DIPK1A: variants seen among roughly 807,000 people sequenced by gnomAD.
DIPK1A encodes family with sequence similarity 69 member A.
DIPK1A carries 27 observed loss-of-function variants against 40.8 expected under a neutral mutation model. That is an observed-to-expected ratio of 0.66 (90% CI 0.49 to 0.91). DIPK1A has a LOEUF of 0.91. Ranked by LOEUF, DIPK1A falls within the 40% of genes least tolerant of loss-of-function variation. DIPK1A has a pLI of 0.00. For missense variants in DIPK1A, 412 were observed against 505.7 expected, an observed-to-expected ratio of 0.81 and a Z score of 1.78; for synonymous variants, 166 against 171.3, an observed-to-expected ratio of 0.97 and a Z score of 0.24.
intron 1 of DIPK1A, among the ~76,000 whole-genome samples, chr1:92,887,502 C>T (rs1648666015): frequency 6.6e-6 from 1 of 151,978 alleles, no homozygotes; most frequent in Non-Finnish European, 1.5e-5. Flanking sequence ...CAGATACTGC[C>T]AGTAAAACAG....
chr1:92,931,938 T>C, intron 1 of DIPK1A: 1 of 277,372 alleles, frequency 3.6e-6, no homozygotes. Flanking sequence ...CGCAAGTTGT[T>C]GAAGAAATAC....
At chr1:92,876,228 A>G in intron 2 of DIPK1A, 68 bp downstream of exon 2, 1 of 910,576 alleles carries the variant, frequency 1.1e-6, no homozygotes, top group East Asian at 3.2e-5. Flanking sequence ...ATCATTAGTA[A>G]GTATGTAAGC....
At chr1:92,832,972 C>CGTGA (rs1686968180) in exon 5 of DIPK1A, 1 of 725,732 alleles carries the variant, frequency 1.4e-6, no homozygotes, top group Admixed American at 1.9e-5. Context: ...CGACGTTTGG[C>CGTGA]ATCACTGATT....
intron 2 of DIPK1A, among the ~76,000 whole-genome samples, chr1:92,857,385 G>A (rs1190979261): frequency 2.2e-4 from 33 of 150,848 alleles, no homozygotes; most frequent in Non-Finnish European, 5.9e-5. Flanking sequence ...GCAGTGGCGT[G>A]GTCTTGGCTT....
intron 2 of DIPK1A, among the ~76,000 whole-genome samples, chr1:92,864,041 G>A (rs2100752403): frequency 6.6e-6 from 1 of 152,188 alleles, no homozygotes; most frequent in Middle Eastern, 3.4e-3. Context: ...GGGTGACACA[G>A]CGAGACTCCA....
downstream of DIPK1A, among the ~76,000 whole-genome samples, chr1:92,839,593 C>T (rs139891722): frequency 2.6e-5 from 4 of 152,268 alleles, no homozygotes; most frequent in East Asian, 7.7e-4. Flanking sequence ...GATGAATTTG[C>T]TTGTTGGCCT....
At chr1:92,846,127 T>C (rs1687592271) in intron 4 of DIPK1A, 1 of 155,512 alleles carries the variant, frequency 6.4e-6, no homozygotes, top group Non-Finnish European at 1.4e-5. Flanking sequence ...TGAACTCCCA[T>C]GTACACCTCA....
chr1:92,899,311 C>G (rs1218969772), intron 1 of DIPK1A, among the ~76,000 whole-genome samples: 1 of 152,076 alleles, frequency 6.6e-6, no homozygotes, highest in East Asian at 1.9e-4. Flanking sequence ...CCTTCTTTGC[C>G]TCTTTGTATA....
At chr1:92,893,409 A>T (rs1047566622) in intron 1 of DIPK1A, among the ~76,000 whole-genome samples, 29 of 151,756 alleles carry the variant, frequency 1.9e-4, no homozygotes, top group Non-Finnish European at 2.7e-4. Context: ...ACTAAGCTTC[A>T]TAAGTGAAGG....
chr1:92,868,965 T>TAAAAAAA (rs33962424), intron 2 of DIPK1A, among the ~76,000 whole-genome samples: 2 of 136,676 alleles, frequency 1.5e-5, no homozygotes, highest in East Asian at 2.2e-4. Flanking sequence ...GACTCAATCT[T>TAAAAAAA]AAAAAAAAAA....
At chr1:92,891,235 G>A (rs889505697) in intron 1 of DIPK1A, among the ~76,000 whole-genome samples, 1 of 150,460 alleles carries the variant, frequency 6.6e-6, no homozygotes, top group African/African-American at 2.4e-5. Flanking sequence ...CCAGCTAATG[G>A]TTTACCAATT....
chr1:92,904,912 T>C (rs1179489039), intron 1 of DIPK1A, among the ~76,000 whole-genome samples: 1 of 152,194 alleles, frequency 6.6e-6, no homozygotes, highest in Non-Finnish European at 1.5e-5. Flanking sequence ...AAGTTTGTCT[T>C]TCTATGCCTG....
chr1:92,947,088 T>G (rs1651403050), intron 1 of DIPK1A, among the ~76,000 whole-genome samples: 1 of 152,154 alleles, frequency 6.6e-6, no homozygotes, highest in Non-Finnish European at 1.5e-5. Flanking sequence ...ATTTCTATTC[T>G]ATGTAAAACT....
At chr1:92,872,767 G>T (rs1041952464) in intron 2 of DIPK1A, among the ~76,000 whole-genome samples, 8 of 152,198 alleles carry the variant, frequency 5.3e-5, no homozygotes, top group Non-Finnish European at 8.8e-5. Context: ...AGCCCTCTAG[G>T]ATTTTTAACT....
chr1:92,846,352 T>C (rs188033029), intron 4 of DIPK1A, among the ~76,000 whole-genome samples: 319 of 152,296 alleles, frequency 2.1e-3, no homozygotes, highest in African/African-American at 7.1e-3. Context: ...CTTTACCCTA[T>C]AGTGCTATAG....
At chr1:92,905,760 T>C (rs1649595480) in intron 1 of DIPK1A, among the ~76,000 whole-genome samples, 1 of 152,196 alleles carries the variant, frequency 6.6e-6, no homozygotes, top group African/African-American at 2.4e-5. Flanking sequence ...TTTCAGGTAT[T>C]AGATTTAAGT....
chr1:92,923,158 A>G (rs1650336722), intron 1 of DIPK1A, among the ~76,000 whole-genome samples: 1 of 151,560 alleles, frequency 6.6e-6, no homozygotes, highest in East Asian at 1.9e-4. Flanking sequence ...TGTTTTTTTG[A>G]GATGGAGTCT....
chr1:92,952,466 A>C (rs1361974860), intron 1 of DIPK1A, among the ~76,000 whole-genome samples: 1 of 152,120 alleles, frequency 6.6e-6, no homozygotes, highest in African/African-American at 2.4e-5. Flanking sequence ...CAAAAAATAC[A>C]AAAACTAGCC....
chr1:92,876,601 T>C, intron 1 of DIPK1A, 171 bp from the exon 2 acceptor site: 1 of 630,266 alleles, frequency 1.6e-6, no homozygotes. Context: ...GCACTGGTCT[T>C]AGAAAAGGAA....
Sources: gnomAD v4.1 joint callset for allele counts (sites outside exome capture counted in the v4.1 genomes callset) on GRCh38, gnomAD v4.1.1 for gene constraint, MANE v1.5 for transcripts, NCBI Gene and HGNC (gene_info 2026-07-23, HGNC 2026-07-21) for gene names.